CADM2: variants seen among roughly 807,000 people sequenced by gnomAD.
CADM2 encodes the protein immunoglobulin superfamily member 4D.
In CADM2, 12 loss-of-function variants were observed where a neutral mutation model predicts 49.8. That is an observed-to-expected ratio of 0.24 (90% CI 0.15 to 0.39). The LOEUF is 0.39. CADM2 is among the 10% of genes least tolerant of loss of function. The pLI is 1.00. For synonymous variants in CADM2, 214 were observed against 175.4 expected (o/e 1.22, Z -1.74); for missense variants, 378 against 492.3 (o/e 0.77, Z 2.20).
intron 1 of CADM2, among the ~76,000 whole-genome samples, chr3:85,023,174 C>T (rs761669069): frequency 1.3e-5 from 2 of 152,148 alleles, no homozygotes; most frequent in Admixed American, 6.5e-5. Context: ...AGAAAAAAGA[C>T]ATGCCAAAGA....
At chr3:85,366,196 T>C (rs2032771657) in intron 1 of CADM2, among the ~76,000 whole-genome samples, 1 of 152,122 alleles carries the variant, frequency 6.6e-6, no homozygotes. Context: ...TTTTTGCAAA[T>C]AGCCACAGAG....
chr3:85,055,969 A>G (rs2036064328), intron 1 of CADM2, among the ~76,000 whole-genome samples: 1 of 152,056 alleles, frequency 6.6e-6, no homozygotes, highest in Admixed American at 6.6e-5. Context: ...TCAAATTATA[A>G]TAGCCCAGTA....
chr3:85,511,840 A>T, intron 1 of CADM2: 1 of 979,064 alleles, frequency 1.0e-6, no homozygotes, highest in Non-Finnish European at 1.2e-6. Context: ...GGCATGTTTT[A>T]TTTCTTTCTG....
At chr3:85,493,618 A>G (rs932873249) in intron 1 of CADM2, among the ~76,000 whole-genome samples, 1 of 152,144 alleles carries the variant, frequency 6.6e-6, no homozygotes, top group Non-Finnish European at 1.5e-5. Context: ...ATGTCTTTTT[A>G]TTCTACTAGA....
Position 86,069,992 on chromosome 3 carries a change from A to G in CADM2, c.*3209A>G, listed in dbSNP as rs1049539665. The G allele has an allele frequency of 6.6e-6, 1 of 151,784 alleles. No homozygotes were observed. Among genetic ancestry groups the G allele is most frequent in the Admixed American group, 6.6e-5 (1 of 15,214 alleles). The allele number at this position is 151,784 out of a possible 1,614,324, so 9.4% of individuals were successfully genotyped here. ...GTGTGTGTATATGTGTGTGTATAAG[A>G]GAGAAAGAGAAATCGAAAAGAGAGA... On this transcript the variant is annotated 3_prime_UTR_variant, in exon 10 of 10. Transcript: ENST00000383699.
chr3:85,709,769 C>T (rs1259371442), intron 1 of CADM2, among the ~76,000 whole-genome samples: 1 of 151,964 alleles, frequency 6.6e-6, no homozygotes, highest in Non-Finnish European at 1.5e-5. Context: ...AAACTGAAAC[C>T]TTAAAAAAGA....
chr3:85,472,909 C>G (rs1388023088), intron 1 of CADM2, among the ~76,000 whole-genome samples: 2 of 152,032 alleles, frequency 1.3e-5, no homozygotes, highest in Admixed American at 6.6e-5. Flanking sequence ...ATTAATATCA[C>G]AATACGTGTA....
At chr3:85,011,065 C>T (rs1390961296) in intron 1 of CADM2, among the ~76,000 whole-genome samples, 2 of 151,558 alleles carry the variant, frequency 1.3e-5, no homozygotes, top group African/African-American at 2.4e-5. Flanking sequence ...GGGGTTTCAC[C>T]GTGTTAGCCA....
chr3:85,383,145 G>T (rs1478334004), intron 1 of CADM2, among the ~76,000 whole-genome samples: 1 of 152,120 alleles, frequency 6.6e-6, no homozygotes, highest in Non-Finnish European at 1.5e-5. Flanking sequence ...AGCTGTTCCT[G>T]CATCTCACTT....
Position 85,198,352 on chromosome 3 carries a change from G to T in CADM2, c.61+238684G>T, listed in dbSNP as rs555473697. 4.7e-5 allele frequency among the ~76,000 whole-genome samples: 7 copies of T among 149,050 alleles called. No homozygotes were observed. In the East Asian group the frequency reaches 1.4e-3, roughly 30 times the overall value. ...TTTGGTACAGCTGCAGGGGAGATGT[G>T]TTCTTTATTTCTTTTGATTATATTC... On this transcript the variant is annotated intron_variant, in intron 1 of 9. Transcript: ENST00000383699.
At chr3:85,145,484 A>T (rs953395224) in intron 1 of CADM2, among the ~76,000 whole-genome samples, 1 of 145,670 alleles carries the variant, frequency 6.9e-6, no homozygotes, top group African/African-American at 2.5e-5. Context: ...ATTATTTGCA[A>T]TTTTTTTTTT....
chr3:85,591,602 C>T (rs1293134765), intron 1 of CADM2, among the ~76,000 whole-genome samples: 3 of 151,948 alleles, frequency 2.0e-5, no homozygotes, highest in Non-Finnish European at 4.4e-5. Flanking sequence ...TGGGGAAGAG[C>T]AGATGGTTGG....
intron 7 of CADM2, among the ~76,000 whole-genome samples, chr3:85,950,809 A>C (rs1007568841): frequency 6.0e-5 from 9 of 151,142 alleles, no homozygotes; most frequent in African/African-American, 1.9e-4. Flanking sequence ...CTAACCGATA[A>C]TGTAATGAGA....
intron 1 of CADM2, among the ~76,000 whole-genome samples, chr3:85,099,402 A>T (rs540015119): frequency 6.6e-6 from 1 of 152,300 alleles, no homozygotes; most frequent in South Asian, 2.1e-4. Flanking sequence ...AAAAGGAAAC[A>T]TATGAGACAC....
At chr3:85,088,348 A>G (rs34201102) in intron 1 of CADM2, among the ~76,000 whole-genome samples, 68,488 of 151,990 alleles carry the variant, frequency 0.45, 17,830 homozygotes, top group Non-Finnish European at 0.6. Flanking sequence ...ACAAATTTCA[A>G]AACTCTCTAT....
intron 1 of CADM2, among the ~76,000 whole-genome samples, chr3:85,372,474 G>A (rs929262034): frequency 2.0e-4 from 19 of 95,826 alleles, no homozygotes; most frequent in Non-Finnish European, 2.4e-4. Context: ...AGATCAAAAT[G>A]TATGAATTTT....
intron 8 of CADM2, among the ~76,000 whole-genome samples, chr3:85,986,925 T>A (rs1728187803): frequency 1.3e-5 from 2 of 152,024 alleles, no homozygotes; most frequent in South Asian, 4.1e-4. Flanking sequence ...ATTTGAATAG[T>A]TGCAATGTAT....
chr3:85,833,985 C>G (rs982684583), intron 3 of CADM2, among the ~76,000 whole-genome samples: 4 of 151,570 alleles, frequency 2.6e-5, no homozygotes, highest in African/African-American at 9.7e-5. Context: ...TTCTTCCAAT[C>G]CATGTACATG....
intron 1 of CADM2, among the ~76,000 whole-genome samples, chr3:85,024,494 T>C (rs1022296436): frequency 2.0e-5 from 3 of 152,090 alleles, no homozygotes; most frequent in Non-Finnish European, 4.4e-5. Flanking sequence ...CGAGCATAAA[T>C]ATGGTTACAG....
Sources: allele counts gnomAD v4.1 joint callset (sites outside exome capture counted in the v4.1 genomes callset), GRCh38; gene constraint gnomAD v4.1.1; transcripts MANE v1.5; gene names NCBI Gene and HGNC (gene_info 2026-07-23, HGNC 2026-07-21).